Variants in LRP1B observed in about 807,000 individuals in gnomAD.
The protein encoded by LRP1B is low-density lipoprotein receptor-related protein 1B.
Under a neutral mutation model 556.6 loss-of-function variants are expected in LRP1B, and 217 were observed. The ratio of observed to expected loss-of-function variants is 0.39; its 90% confidence interval spans 0.35 to 0.44. The LOEUF (loss-of-function observed/expected upper bound fraction) is 0.44, where lower values mean the gene tolerates loss of function less well. Ranked by LOEUF, LRP1B falls within the 20% of genes least tolerant of loss-of-function variation. The pLI is 1.00. For missense variants in LRP1B, 5,053 were observed against 5,620.8 expected (o/e 0.90, Z 3.23); for synonymous variants, 2,047 against 1,865.8 (o/e 1.10, Z -2.50).
intron 1 of LRP1B, among the ~76,000 whole-genome samples, chr2:141,817,912 A>AT (rs150620410): frequency 0.041 from 6,171 of 152,280 alleles, 391 homozygotes; most frequent in African/African-American, 0.14. Context: ...GATAGCTTGC[A>AT]TTAAACAGCA....
intron 43 of LRP1B, among the ~76,000 whole-genome samples, chr2:140,574,662 C>G (rs932877501): frequency 6.6e-6 from 1 of 152,144 alleles, no homozygotes; most frequent in African/African-American, 2.4e-5. Flanking sequence ...AAAAAATAAG[C>G]AGCTATAATT....
At chr2:140,775,996 G>A in intron 33 of LRP1B, 102 bp downstream of exon 33, 3 of 1,013,248 alleles carry the variant, frequency 3.0e-6, no homozygotes, top group Non-Finnish European at 4.3e-6. Context: ...GTTTTTATTA[G>A]AAGCAAGAAT....
At chr2:140,468,378 A>C (rs1687633075) in intron 60 of LRP1B, among the ~76,000 whole-genome samples, 1 of 152,216 alleles carries the variant, frequency 6.6e-6, no homozygotes, top group South Asian at 2.1e-4. Flanking sequence ...GTTGGGGTAG[A>C]CAACTGCCAC....
At chr2:140,773,524 C>A (rs949144248) in intron 33 of LRP1B, among the ~76,000 whole-genome samples, 26 of 151,304 alleles carry the variant, frequency 1.7e-4, no homozygotes, top group African/African-American at 6.3e-4. Context: ...TTGATAATAG[C>A]AAAAATACGT....
At chr2:141,261,076 C>A (rs1435041627) in intron 3 of LRP1B, among the ~76,000 whole-genome samples, 1 of 152,130 alleles carries the variant, frequency 6.6e-6, no homozygotes, top group African/African-American at 2.4e-5. Context: ...GACAGCTCCT[C>A]TTGTCAGCAG....
chr2:140,402,938 G>A (rs935059851), intron 66 of LRP1B, among the ~76,000 whole-genome samples: 1 of 152,164 alleles, frequency 6.6e-6, no homozygotes, highest in African/African-American at 2.4e-5. Context: ...CAACTCCTTA[G>A]GAGAGGGTGT....
intron 2 of LRP1B, among the ~76,000 whole-genome samples, chr2:141,716,570 CAA>C (rs2105488824): frequency 6.6e-6 from 1 of 152,092 alleles, no homozygotes; most frequent in Non-Finnish European, 1.5e-5. Flanking sequence ...ATTTAAGTAG[CAA>C]AGTTTTAAGT....
rs148714877 is a variant in LRP1B at position 141,185,215 on chromosome 2, A to C, written c.1013+3206T>G. Among the ~76,000 whole-genome samples the C allele has an allele frequency of 2.5e-3, 385 of 152,226 alleles. 3 individuals are homozygous for C. The highest frequency in any genetic ancestry group is 8.9e-3 in the African/African-American group (371 of 41,568). On this transcript the variant is annotated intron_variant, in intron 7 of 90. Coordinates refer to ENST00000389484, the MANE Select transcript of LRP1B (RefSeq NM_018557.3). Reference sequence around the variant, plus strand: ...TAATTCACATTTTTATGACAATAAAACAAAGGCAGAAGAAATATCCAAAGT... The same window carrying C: ...TAATTCACATTTTTATGACAATAAACCAAAGGCAGAAGAAATATCCAAAGT...
chr2:141,376,866 G>T (rs1689457531), intron 3 of LRP1B, among the ~76,000 whole-genome samples: 1 of 152,036 alleles, frequency 6.6e-6, no homozygotes, highest in African/African-American at 2.4e-5. Context: ...ATTTCAATCA[G>T]AGTAGATAAT....
At chr2:141,764,573 C>T (rs1374351447) in intron 2 of LRP1B, among the ~76,000 whole-genome samples, 1 of 152,142 alleles carries the variant, frequency 6.6e-6, no homozygotes, top group Non-Finnish European at 1.5e-5. Context: ...ACAGCAAGAA[C>T]ACAGCCCTCT....
intron 2 of LRP1B, among the ~76,000 whole-genome samples, chr2:141,679,151 C>T (rs1400292077): frequency 1.3e-5 from 2 of 152,210 alleles, no homozygotes; most frequent in East Asian, 3.9e-4. Context: ...CTCGGTATAA[C>T]AGGCATTAGA....
intron 78 of LRP1B, 135 bp downstream of exon 78, chr2:140,335,480 A>G: frequency 1.6e-6 from 1 of 642,740 alleles, no homozygotes; most frequent in South Asian, 1.9e-5. Flanking sequence ...TACAGAAGAA[A>G]TAGTACAAGG....
intron 79 of LRP1B, among the ~76,000 whole-genome samples, chr2:140,333,666 A>G (rs1680931345): frequency 6.6e-6 from 1 of 152,104 alleles, no homozygotes; most frequent in Non-Finnish European, 1.5e-5. Flanking sequence ...ACTACGAACA[A>G]TGCATTATGT....
intron 1 of LRP1B, among the ~76,000 whole-genome samples, chr2:142,002,876 T>C (rs1240498292): frequency 1.3e-5 from 2 of 152,206 alleles, no homozygotes; most frequent in Non-Finnish European, 2.9e-5. Context: ...ATGCGATCTC[T>C]CTTTGAATTT....
At chr2:140,329,395 G>A (rs1253066106) in intron 79 of LRP1B, among the ~76,000 whole-genome samples, 8 of 151,944 alleles carry the variant, frequency 5.3e-5, no homozygotes, top group Admixed American at 2.0e-4. Context: ...TTCTTGCCAG[G>A]GCAATCAGGC....
intron 27 of LRP1B, among the ~76,000 whole-genome samples, chr2:140,865,965 T>C: frequency 6.6e-6 from 1 of 152,054 alleles, no homozygotes; most frequent in Non-Finnish European, 1.5e-5. Context: ...CTAAGGGTCA[T>C]GCCAATGCAG....
intron 3 of LRP1B, among the ~76,000 whole-genome samples, chr2:141,317,491 T>A (rs1233429375): frequency 6.6e-6 from 1 of 152,152 alleles, no homozygotes; most frequent in Admixed American, 6.5e-5. Flanking sequence ...CATTTAACCT[T>A]CATTACCACT....
At chr2:140,567,405 T>G (rs1295946234) in intron 43 of LRP1B, among the ~76,000 whole-genome samples, 1 of 152,156 alleles carries the variant, frequency 6.6e-6, no homozygotes, top group Non-Finnish European at 1.5e-5. Flanking sequence ...GATTCCCAAA[T>G]TCAGCCATAC....
intron 27 of LRP1B, among the ~76,000 whole-genome samples, chr2:140,861,080 T>TA (rs1692781397): frequency 6.6e-6 from 1 of 152,134 alleles, no homozygotes; most frequent in Non-Finnish European, 1.5e-5. Context: ...TTAAAGTGCT[T>TA]AGTACTTGCC....
Sources: gnomAD v4.1 joint callset for allele counts (sites outside exome capture counted in the v4.1 genomes callset) on GRCh38, gnomAD v4.1.1 for gene constraint, MANE v1.5 for transcripts, NCBI Gene and HGNC (gene_info 2026-07-23, HGNC 2026-07-21) for gene names.